BICC1: variants seen among roughly 807,000 people sequenced by gnomAD.
BICC1 encodes the protein protein bicaudal C homolog 1.
In BICC1, 43 loss-of-function variants were observed where a neutral mutation model predicts 111.0. The ratio of observed to expected loss-of-function variants is 0.39; its 90% confidence interval spans 0.30 to 0.50. The LOEUF is 0.50. Among genes scored for constraint, BICC1 ranks in the 20% least tolerant of loss-of-function variants. BICC1 has a pLI of 0.88. For missense variants in BICC1, 1,091 were observed against 1,203.2 expected (o/e 0.91, Z 1.38); for synonymous variants, 467 against 434.4 (o/e 1.07, Z -0.93).
At chr10:58,612,664 CAATT>C (rs1273952811) in intron 1 of BICC1, among the ~76,000 whole-genome samples, 1 of 150,794 alleles carries the variant, frequency 6.6e-6, no homozygotes, top group Non-Finnish European at 1.5e-5. Flanking sequence ...AATTATATCT[CAATT>C]AATTTTATAA....
rs1844481142 is a variant in BICC1, at chr10:58,829,017, T to C, written c.*126T>C. 8.8e-7 allele frequency: 1 copy of C among 1,135,624 alleles called. No individual in the cohort carries two copies. The highest frequency in any genetic ancestry group is 1.2e-6 in the Non-Finnish European group (1 of 805,024). The allele number at this position is 1,135,624 out of a possible 1,614,324, so 70.3% of individuals were successfully genotyped here. Reference sequence around the variant, plus strand: ...TGGTATCAGGACCAAAGCATTTTATTCGCACCTGTACTTTATGGCAAAAAG... The same window carrying C: ...TGGTATCAGGACCAAAGCATTTTATCCGCACCTGTACTTTATGGCAAAAAG... On this transcript the variant is annotated 3_prime_UTR_variant, in exon 21 of 21. Coordinates refer to ENST00000373886, the MANE Select transcript of BICC1 (RefSeq NM_001080512.3).
At chr10:58,650,238 C>G (rs1838404157) in intron 2 of BICC1, 1 of 152,176 alleles carries the variant, frequency 6.6e-6, no homozygotes, top group Non-Finnish European at 1.5e-5. Flanking sequence ...TCCACTGCCT[C>G]CCTTGCAAAC....
intron 1 of BICC1, among the ~76,000 whole-genome samples, chr10:58,525,667 C>T (rs1842515863): frequency 7.0e-6 from 1 of 141,980 alleles, no homozygotes; most frequent in Non-Finnish European, 1.6e-5. Flanking sequence ...ACATATGTAA[C>T]TAACCTGCAC....
Position 58,806,492 on chromosome 10 carries a change from AAC to A in BICC1, c.2182-88_2182-87del, listed in dbSNP as rs1275817180. Reference sequence around the variant, plus strand: ...GTGTATGTCTCAGGCAGATTCATGGAACACAGTCAAAACCTTTGTTCTCTAAC... The same window carrying A: ...GTGTATGTCTCAGGCAGATTCATGGAACAGTCAAAACCTTTGTTCTCTAAC... On this transcript the variant is annotated intron_variant, in intron 15 of 20. Transcript: ENST00000373886. The A allele has an allele frequency of 1.4e-5, 16 of 1,128,704 alleles. No individual in the cohort carries two copies. The Admixed American group carries it at 1.6e-4, about 11-fold the overall frequency. The allele number at this position is 1,128,704 out of a possible 1,614,324, so 69.9% of individuals were successfully genotyped here. A position where few individuals can be genotyped will look rare whatever the true frequency, so the allele number is the denominator to read the frequency against.
At chr10:58,790,199 A>G (rs1013327946) in intron 8 of BICC1, among the ~76,000 whole-genome samples, 1 of 152,310 alleles carries the variant, frequency 6.6e-6, no homozygotes, top group Non-Finnish European at 1.5e-5. Context: ...ATAGTGAAAT[A>G]ATTGACTGCA....
chr10:58,631,439 G>A (rs1837791617), intron 2 of BICC1, among the ~76,000 whole-genome samples: 1 of 151,606 alleles, frequency 6.6e-6, no homozygotes, highest in Non-Finnish European at 1.5e-5. Context: ...CCTAAAAGGA[G>A]TTGTCTTTTG....
At chr10:58,715,889 A>ATTCTTCCAGCAATTC in intron 3 of BICC1, 1 of 1,233,176 alleles carries the variant, frequency 8.1e-7, no homozygotes, top group Non-Finnish European at 1.2e-6. Context: ...TCAAGCTCTG[A>ATTCTTCCAGCAATTC]TTCTTCCAGC....
chr10:58,776,295 C>G (rs1842747331), intron 3 of BICC1, among the ~76,000 whole-genome samples: 1 of 152,166 alleles, frequency 6.6e-6, no homozygotes, highest in African/African-American at 2.4e-5. Context: ...TAAGATTTTT[C>G]ACGAAGAGTC....
At chr10:58,575,290 T>C (rs1472967016) in intron 1 of BICC1, among the ~76,000 whole-genome samples, 2 of 142,086 alleles carry the variant, frequency 1.4e-5, no homozygotes, top group African/African-American at 2.5e-5. Context: ...CTTGCAAACC[T>C]TTTAAAGAGT....
chr10:58,553,959 T>C (rs1004666405), intron 1 of BICC1, among the ~76,000 whole-genome samples: 2 of 152,154 alleles, frequency 1.3e-5, no homozygotes, highest in African/African-American at 4.8e-5. Flanking sequence ...GAATGGTGAC[T>C]TATAGAACTA....
intron 1 of BICC1, among the ~76,000 whole-genome samples, chr10:58,595,736 A>G (rs2132054194): frequency 6.6e-6 from 1 of 152,304 alleles, no homozygotes; most frequent in Non-Finnish European, 1.5e-5. Context: ...GAAATTTTAT[A>G]GCACTATGGC....
intron 1 of BICC1, among the ~76,000 whole-genome samples, chr10:58,539,428 T>C (rs1052531447): frequency 2.0e-5 from 3 of 151,586 alleles, no homozygotes; most frequent in African/African-American, 7.3e-5. Context: ...AAAAAGTACC[T>C]ATTGGATATA....
At chr10:58,526,197 T>C (rs995590199) in intron 1 of BICC1, among the ~76,000 whole-genome samples, 5 of 151,756 alleles carry the variant, frequency 3.3e-5, no homozygotes, top group African/African-American at 4.8e-5. Context: ...ATCTGTACTT[T>C]ACAGAGAAAA....
At chr10:58,784,163 A>T (rs192244947) in intron 3 of BICC1, among the ~76,000 whole-genome samples, 1 of 152,136 alleles carries the variant, frequency 6.6e-6, no homozygotes, top group East Asian at 1.9e-4. Flanking sequence ...ATTATTAATT[A>T]GATAATTTAT....
intron 3 of BICC1, among the ~76,000 whole-genome samples, chr10:58,742,431 A>ATTTTTTTTTTTTTTTT (rs554670544): frequency 1.1e-5 from 1 of 94,168 alleles, no homozygotes; most frequent in Non-Finnish European, 1.9e-5. Context: ...GTATGCTTTA[A>ATTTTTTTTTTTTTTTT]TTTTTTTTTT....
intron 3 of BICC1, among the ~76,000 whole-genome samples, chr10:58,712,116 G>A (rs895748365): frequency 6.6e-5 from 10 of 152,148 alleles, no homozygotes; most frequent in African/African-American, 2.4e-4. Context: ...TCAACATCAT[G>A]TACCATTAGA....
At chr10:58,760,846 A>G (rs916307966) in intron 3 of BICC1, among the ~76,000 whole-genome samples, 3 of 152,198 alleles carry the variant, frequency 2.0e-5, no homozygotes, top group Non-Finnish European at 1.5e-5. Flanking sequence ...TATTGTCTAT[A>G]GAAAAGACTT....
At chr10:58,802,164 C>T (rs1843567089) in intron 14 of BICC1, among the ~76,000 whole-genome samples, 1 of 152,180 alleles carries the variant, frequency 6.6e-6, no homozygotes, top group Non-Finnish European at 1.5e-5. Flanking sequence ...TTTACTTATG[C>T]TCTTCCCTCT....
At chr10:58,643,068 C>T (rs1265267904) in intron 2 of BICC1, among the ~76,000 whole-genome samples, 2 of 152,136 alleles carry the variant, frequency 1.3e-5, no homozygotes, top group African/African-American at 4.8e-5. Flanking sequence ...GGTTTGTAAA[C>T]CAGATGTCTC....
Sources: allele counts gnomAD v4.1 joint callset (sites outside exome capture counted in the v4.1 genomes callset), GRCh38; gene constraint gnomAD v4.1.1; transcripts MANE v1.5; gene names NCBI Gene and HGNC (gene_info 2026-07-23, HGNC 2026-07-21).